The following CNTNAP2 variants were observed in gnomAD, a reference collection of about 807,000 sequenced individuals.
The protein encoded by CNTNAP2 is contactin-associated protein-like 2.
In CNTNAP2, 98 loss-of-function variants were observed where a neutral mutation model predicts 155.2. That is an observed-to-expected ratio of 0.63 (90% CI 0.54 to 0.75). CNTNAP2 has a LOEUF of 0.75. Among genes scored for constraint, CNTNAP2 ranks in the 30% least tolerant of loss-of-function variants. The probability of loss-of-function intolerance (pLI) is 0.00; values close to 1 mark genes in which losing one functional copy is unlikely to be tolerated. For synonymous variants in CNTNAP2, 651 were observed against 631.2 expected, an observed-to-expected ratio of 1.03 and a Z score of -0.47; for missense variants, 1,727 against 1,688.1, an observed-to-expected ratio of 1.02 and a Z score of -0.40.
chr7:146,606,872 A>G (rs1799056734), intron 1 of CNTNAP2, among the ~76,000 whole-genome samples: 1 of 152,188 alleles, frequency 6.6e-6, no homozygotes, highest in Non-Finnish European at 1.5e-5. Context: ...AGGAGCTGTC[A>G]TAATTTCCAT....
At chr7:146,281,147 A>G (rs561455593) in intron 1 of CNTNAP2, among the ~76,000 whole-genome samples, 20 of 152,278 alleles carry the variant, frequency 1.3e-4, no homozygotes, top group African/African-American at 4.6e-4. Context: ...ACCAAAATAT[A>G]TGCATTTTTC....
At chr7:147,364,051 C>T (rs949647923) in intron 9 of CNTNAP2, among the ~76,000 whole-genome samples, 14 of 152,130 alleles carry the variant, frequency 9.2e-5, no homozygotes, top group African/African-American at 3.4e-4. Flanking sequence ...AAATGCACAT[C>T]AAGTAAGATT....
chr7:147,055,124 C>A (rs1211135440), intron 4 of CNTNAP2, among the ~76,000 whole-genome samples: 3 of 152,162 alleles, frequency 2.0e-5, no homozygotes, highest in Non-Finnish European at 4.4e-5. Flanking sequence ...TACCCTCAGG[C>A]ACCCCCAAAT....
In CNTNAP2 at chr7:147,591,712, T is replaced by C. The variant is rs575281130; in HGVS notation, c.1897+29455T>C. 3.3e-5 allele frequency among the ~76,000 whole-genome samples: 5 copies of C among 152,312 alleles called. No homozygotes were observed. In the South Asian group the frequency reaches 6.2e-4, roughly 19 times the overall value. Reference sequence around the variant, plus strand: ...AAAATAAAAATGTGATCTTATTTTATTCTGCTTGAATCTTTGATTTGTTCC... The same window carrying C: ...AAAATAAAAATGTGATCTTATTTTACTCTGCTTGAATCTTTGATTTGTTCC... On this transcript the variant is annotated intron_variant, in intron 12 of 23. Coordinates refer to ENST00000361727, the MANE Select transcript of CNTNAP2 (RefSeq NM_014141.6).
intron 21 of CNTNAP2, among the ~76,000 whole-genome samples, chr7:148,290,260 C>A (rs1458368872): frequency 6.6e-6 from 1 of 152,008 alleles, no homozygotes; most frequent in African/African-American, 2.4e-5. Flanking sequence ...GAAAATGTTT[C>A]TTGTTTTTTA....
chr7:146,680,291 A>G (rs1800479611), intron 1 of CNTNAP2, among the ~76,000 whole-genome samples: 1 of 152,200 alleles, frequency 6.6e-6, no homozygotes, highest in Non-Finnish European at 1.5e-5. Context: ...TTAAAAAACA[A>G]AACAAAAACT....
At chr7:147,006,032 G>A (rs866003103) in intron 3 of CNTNAP2, among the ~76,000 whole-genome samples, 1 of 152,008 alleles carries the variant, frequency 6.6e-6, no homozygotes, top group South Asian at 2.1e-4. Flanking sequence ...CTGGAGCCCT[G>A]TAAATTACAC....
intron 15 of CNTNAP2, among the ~76,000 whole-genome samples, chr7:148,032,663 G>T (rs1480284563): frequency 6.6e-6 from 1 of 152,142 alleles, no homozygotes; most frequent in Non-Finnish European, 1.5e-5. Flanking sequence ...CTTGTTCAGA[G>T]GATTTCTGAT....
chr7:146,362,952 G>T (rs1382632094), intron 1 of CNTNAP2, among the ~76,000 whole-genome samples: 1 of 151,770 alleles, frequency 6.6e-6, no homozygotes, highest in East Asian at 1.9e-4. Context: ...TGTATTTTTA[G>T]TAGAGATGGG....
chr7:148,024,082 G>A (rs533925002), intron 15 of CNTNAP2, among the ~76,000 whole-genome samples: 1 of 145,916 alleles, frequency 6.9e-6, no homozygotes, highest in Non-Finnish European at 1.5e-5. Context: ...ATATCCTTGG[G>A]AGTACAATTT....
chr7:148,387,442 G>A (rs1404225873), intron 22 of CNTNAP2, among the ~76,000 whole-genome samples: 1 of 152,186 alleles, frequency 6.6e-6, no homozygotes, highest in African/African-American at 2.4e-5. Flanking sequence ...TCTGTGTAGG[G>A]TTAGGATGGA....
At chr7:147,454,215 CCATA>C (rs1254903375) in intron 10 of CNTNAP2, among the ~76,000 whole-genome samples, 2 of 152,106 alleles carry the variant, frequency 1.3e-5, no homozygotes, top group Admixed American at 1.3e-4. Flanking sequence ...TTTTCCCATG[CCATA>C]CATTTCTAGT....
intron 16 of CNTNAP2, among the ~76,000 whole-genome samples, chr7:148,142,068 GGTT>G (rs1443521754): frequency 6.6e-6 from 1 of 151,142 alleles, no homozygotes; most frequent in Non-Finnish European, 1.5e-5. Flanking sequence ...TAGTGCCAGT[GGTT>G]GTTAAGAGTA....
At chr7:147,515,325 T>TTTTC (rs1430177978) in intron 11 of CNTNAP2, among the ~76,000 whole-genome samples, 1 of 139,114 alleles carries the variant, frequency 7.2e-6, no homozygotes, top group East Asian at 2.1e-4. Flanking sequence ...TATATTCTTT[T>TTTTC]TTTGTTTGTT....
intron 8 of CNTNAP2, among the ~76,000 whole-genome samples, chr7:147,211,627 G>C (rs1435980978): frequency 6.6e-6 from 1 of 152,028 alleles, no homozygotes; most frequent in East Asian, 1.9e-4. Context: ...CTAGACCTCT[G>C]CCTTTCACCA....
chr7:147,975,609 C>T (rs1265930144), intron 14 of CNTNAP2, among the ~76,000 whole-genome samples: 1 of 152,080 alleles, frequency 6.6e-6, no homozygotes, highest in African/African-American at 2.4e-5. Flanking sequence ...TGTACCAAAG[C>T]TGACATATGA....
intron 9 of CNTNAP2, among the ~76,000 whole-genome samples, chr7:147,351,732 C>A (rs564755391): frequency 2.0e-5 from 3 of 151,864 alleles, no homozygotes; most frequent in African/African-American, 7.2e-5. Context: ...GAACTCCAAG[C>A]AAGCGTCTCA....
chr7:148,386,392 G>A (rs1377658658), intron 22 of CNTNAP2, among the ~76,000 whole-genome samples: 10 of 152,120 alleles, frequency 6.6e-5, no homozygotes, highest in Admixed American at 5.9e-4. Flanking sequence ...GCTGGGCGTG[G>A]TGGCGCACGC....
At chr7:147,068,566 C>A (rs1428559931) in intron 4 of CNTNAP2, among the ~76,000 whole-genome samples, 2 of 152,138 alleles carry the variant, frequency 1.3e-5, no homozygotes, top group East Asian at 3.9e-4. Context: ...ACCATGTTGA[C>A]CAGGCTGGTC....
Sources: gnomAD v4.1 joint callset for allele counts (sites outside exome capture counted in the v4.1 genomes callset) on GRCh38, gnomAD v4.1.1 for gene constraint, MANE v1.5 for transcripts, NCBI Gene and HGNC (gene_info 2026-07-23, HGNC 2026-07-21) for gene names.